TRIO: variants seen among roughly 807,000 people sequenced by gnomAD.
TRIO encodes triple functional domain protein.
A neutral mutation model predicts 351.9 loss-of-function variants in TRIO; 58 were observed. The ratio of observed to expected loss-of-function variants is 0.16; its 90% confidence interval spans 0.13 to 0.21. TRIO has a LOEUF of 0.21. Ranked by LOEUF, TRIO falls within the 10% of genes least tolerant of loss-of-function variation. The probability of loss-of-function intolerance (pLI) is 1.00; values close to 1 mark genes in which losing one functional copy is unlikely to be tolerated. For missense variants in TRIO, 3,201 were observed against 4,027.8 expected (o/e 0.79, Z 5.56); for synonymous variants, 1,758 against 1,595.7 (o/e 1.10, Z -2.42).
chr5:14,201,937 A>G (rs186530540), intron 1 of TRIO, among the ~76,000 whole-genome samples: 1,989 of 138,828 alleles, frequency 0.014, 30 homozygotes, highest in African/African-American at 0.05. Flanking sequence ...ATGGACACAG[A>G]AAGGGGAACA....
intron 1 of TRIO, among the ~76,000 whole-genome samples, chr5:14,200,459 T>C (rs1447183996): frequency 6.6e-6 from 1 of 152,228 alleles, no homozygotes; most frequent in Non-Finnish European, 1.5e-5. Context: ...ACAGGCATGC[T>C]TTTTGGAGGC....
intron 11 of TRIO, among the ~76,000 whole-genome samples, chr5:14,348,767 G>GTTTTTCC (rs1561372911): frequency 3.7e-5 from 4 of 109,224 alleles, no homozygotes; most frequent in Admixed American, 3.1e-4. Flanking sequence ...ACATGAGCAT[G>GTTTTTCC]TGTGTTTTTC....
At chr5:14,311,780 A>G (rs1201298932) in intron 8 of TRIO, among the ~76,000 whole-genome samples, 1 of 152,200 alleles carries the variant, frequency 6.6e-6, no homozygotes, top group Non-Finnish European at 1.5e-5. Context: ...CCTGAAAAAG[A>G]ATTAAGACGG....
rs1738230829 is a variant in TRIO at position 14,304,939 on chromosome 5, AACCTTTTAG to A, written c.1500+349_1500+357del. On this transcript the variant is annotated intron_variant, in intron 8 of 56. Coordinates refer to ENST00000344204, the MANE Select transcript of TRIO (RefSeq NM_007118.4). Reference sequence around the variant, plus strand: ...AACTCAATTTAATCTTCCCAAATGAAACCTTTTAGAGAAGATGGGCTAGATTGCAAGGCA... The same window carrying A: ...AACTCAATTTAATCTTCCCAAATGAAAGAAGATGGGCTAGATTGCAAGGCA... 3.9e-5 allele frequency among the ~76,000 whole-genome samples: 6 copies of A among 152,332 alleles called. No homozygotes were observed. The South Asian group carries it at 1.2e-3, about 32-fold the overall frequency.
chr5:14,318,279 CAAAAA>C (rs759632595), intron 9 of TRIO, among the ~76,000 whole-genome samples: 13 of 46,512 alleles, frequency 2.8e-4, no homozygotes, highest in African/African-American at 8.8e-4. Flanking sequence ...GACTCTATCT[CAAAAA>C]AAAAAAAAAA....
At chr5:14,356,422 TAG>T (rs1743615689) in intron 11 of TRIO, among the ~76,000 whole-genome samples, 1 of 152,182 alleles carries the variant, frequency 6.6e-6, no homozygotes, top group East Asian at 1.9e-4. Flanking sequence ...ATTGAAACCA[TAG>T]TGAGATATAC....
chr5:14,488,254 C>T lies in TRIO; in HGVS notation c.7626C>T (p.Ser2542=), dbSNP rs1756169728. The T allele has an allele frequency of 2.5e-6, 4 of 1,572,630 alleles. No homozygotes were observed. The highest frequency in any genetic ancestry group is 3.3e-4 in the Middle Eastern group (2 of 6,022). ...AGCAGTCCGTGCAGTCCACCCAGAG[C>T]AACGGGGTAAGCGCGTCGGGGGGCC... ...ASEQSVQSTQ[S]NGSESSSSSN... is the part of the protein sequence containing the mutation. The change falls in exon 48 of 57, where the codon AGC becomes AGT. Residue 2542 remains serine (S), a synonymous_variant. Transcript: ENST00000344204.
chr5:14,254,081 C>A (rs368586771), intron 1 of TRIO, among the ~76,000 whole-genome samples: 2 of 151,596 alleles, frequency 1.3e-5, no homozygotes. Context: ...TGGTAAATAC[C>A]CATATATCTG....
At chr5:14,173,438 C>T (rs1019598469) in intron 1 of TRIO, among the ~76,000 whole-genome samples, 1 of 152,046 alleles carries the variant, frequency 6.6e-6, no homozygotes, top group African/African-American at 2.4e-5. Flanking sequence ...TCTCCAACTC[C>T]TGACCTCAGG....
At chr5:14,476,081 A>G (rs1427564653) in intron 40 of TRIO, among the ~76,000 whole-genome samples, 2 of 152,238 alleles carry the variant, frequency 1.3e-5, no homozygotes, top group East Asian at 1.9e-4. Flanking sequence ...GATTTTGATA[A>G]CATTTGAGAA....
intron 1 of TRIO, among the ~76,000 whole-genome samples, chr5:14,213,731 T>G (rs1248446522): frequency 6.6e-6 from 1 of 152,226 alleles, no homozygotes; most frequent in Non-Finnish European, 1.5e-5. Flanking sequence ...TTAGTTTCTT[T>G]CAGAGTGTGT....
At chr5:14,155,567 GC>G (rs1788058318) in intron 1 of TRIO, among the ~76,000 whole-genome samples, 2 of 152,158 alleles carry the variant, frequency 1.3e-5, no homozygotes, top group South Asian at 4.1e-4. Flanking sequence ...CATCTCCTCA[GC>G]CTGTCTCCCT....
intron 34 of TRIO, among the ~76,000 whole-genome samples, chr5:14,454,106 T>C (rs1368163675): frequency 6.6e-6 from 1 of 152,096 alleles, no homozygotes; most frequent in Non-Finnish European, 1.5e-5. Context: ...TTTTTGTAAT[T>C]TTAGTAGAAA....
chr5:14,207,088 C>T (rs370338612), intron 1 of TRIO, among the ~76,000 whole-genome samples: 2 of 152,118 alleles, frequency 1.3e-5, no homozygotes, highest in East Asian at 1.9e-4. Flanking sequence ...AGAAAAAAGT[C>T]TATAGTTTAA....
At chr5:14,458,149 G>A (rs1319346478) in intron 34 of TRIO, among the ~76,000 whole-genome samples, 1 of 151,866 alleles carries the variant, frequency 6.6e-6, no homozygotes, top group East Asian at 1.9e-4. Flanking sequence ...CTCCCCACGG[G>A]CCACACTCAT....
intron 33 of TRIO, among the ~76,000 whole-genome samples, chr5:14,409,533 A>T (rs1324762176): frequency 6.6e-6 from 1 of 152,140 alleles, no homozygotes; most frequent in Non-Finnish European, 1.5e-5. Context: ...TCCTGAGCTC[A>T]GAAATCCCTG....
chr5:14,167,695 C>T lies in TRIO; in HGVS notation c.157+23813C>T, dbSNP rs530533563. On this transcript the variant is annotated intron_variant, in intron 1 of 56. Transcript: ENST00000344204. The stretch of plus-strand genomic sequence containing the variant: ...CTTGCAGGCCACATGTACTAAGATC[C>T]GGGGATAGGTGTGAGTCAGAGGCTG... Among the ~76,000 whole-genome samples, 15 of 152,090 alleles carry T rather than the reference C, an allele frequency of 9.9e-5. No homozygotes were observed. The East Asian group carries it at 2.1e-3, about 22-fold the overall frequency.
rs368206547 is a variant in TRIO at position 14,280,376 on chromosome 5, A to G, written c.287A>G (p.His96Arg). 6.2e-7 allele frequency: 1 copy of G among 1,614,054 alleles called. No individual in the cohort carries two copies. The highest frequency in any genetic ancestry group is 1.3e-5 in the African/African-American group (1 of 74,930). ...TTAACGTTTCCGGCCCGCAGCAATC[A>G]TGACAGAATACGACAGGAGGATCTC... The part of the protein sequence containing the change: ...PILTFPARSN[H>R]DRIRQEDLRR... Residue 96 changes from histidine (H) to arginine (R), a missense_variant, in exon 3 of 57, where the codon CAT (histidine) becomes CGT (arginine). By Grantham distance (29) the His-to-Arg change is conservative (BLOSUM62 0). Around this residue, in one of 19 missense-constraint regions of TRIO, gnomAD observed 109 missense variants for 134.6 expected, o/e 0.81. Coordinates refer to ENST00000344204, the MANE Select transcript of TRIO (RefSeq NM_007118.4).
chr5:14,505,355 G>A (rs1464431034), intron 55 of TRIO, among the ~76,000 whole-genome samples: 1 of 152,224 alleles, frequency 6.6e-6, no homozygotes, highest in South Asian at 2.1e-4. Flanking sequence ...CCAAACATCT[G>A]TGCATTTAGC....
Sources: allele counts gnomAD v4.1 joint callset (sites outside exome capture counted in the v4.1 genomes callset), GRCh38; gene constraint gnomAD v4.1.1; regional missense constraint gnomAD v4.1.1; transcripts MANE v1.5; gene names NCBI Gene and HGNC (gene_info 2026-07-23, HGNC 2026-07-21).